Variants in BTNL2 observed in about 807,000 individuals in gnomAD.
The protein encoded by BTNL2 is butyrophilin like 2, also known as butyrophilin-like protein 2.
BTNL2 carries 46 observed loss-of-function variants against 46.8 expected under a neutral mutation model. That is an observed-to-expected ratio of 0.98 (90% confidence interval 0.78 to 1.26). The LOEUF (loss-of-function observed/expected upper bound fraction) is 1.26. Ranked by LOEUF, BTNL2 falls within the 50% of genes most tolerant of loss-of-function variation. BTNL2 has a pLI of 0.00. For missense variants in BTNL2, 461 were observed against 592.6 expected (o/e 0.78, Z 2.31); for synonymous variants, 226 against 229.1 (o/e 0.99, Z 0.12).
At chr6:32,397,437 T>C (rs1310743142) in intron 4 of BTNL2, among the ~76,000 whole-genome samples, 2 of 152,220 alleles carry the variant, frequency 1.3e-5, no homozygotes, top group African/African-American at 2.4e-5. Context: ...TCTGACCAAA[T>C]TGCTGCTTTG....
intron 4 of BTNL2, among the ~76,000 whole-genome samples, chr6:32,401,215 A>G (rs1468323491): frequency 1.2e-5 from 1 of 84,544 alleles, no homozygotes; most frequent in East Asian, 3.8e-4. Context: ...CTCAAAAAAA[A>G]AAAAAAAAAA....
intron 4 of BTNL2, among the ~76,000 whole-genome samples, chr6:32,397,975 A>G (rs118023064): frequency 0.012 from 1,860 of 152,340 alleles, 68 homozygotes; most frequent in East Asian, 0.11. Context: ...TGAAAATTAA[A>G]ATTAACATTT....
At position 32,402,708 on chromosome 6, in the gene BTNL2, AATGC is replaced by A. The variant is rs200103485; in HGVS notation, c.709+223_709+226del. On this transcript the variant is annotated intron_variant, in intron 3 of 7. Transcript: ENST00000454136. ...TGAATACTTGTGAGTAAAAACAATC[AATGC>A]AGAAGAAGGAAAGGTAGAACTCAAA... 5.3e-3 allele frequency among the ~76,000 whole-genome samples: 806 copies of A among 152,364 alleles called. 9 individuals carry two copies. Among genetic ancestry groups the A allele is most frequent in the African/African-American group, 0.018 (761 of 41,584 alleles).
At chr6:32,404,276 C>T (rs1416741548) in intron 2 of BTNL2, among the ~76,000 whole-genome samples, 2 of 152,190 alleles carry the variant, frequency 1.3e-5, no homozygotes, top group African/African-American at 2.4e-5. Flanking sequence ...GTCAGGGAAT[C>T]ATATGATAGT....
chr6:32,403,947 T>C (rs145097304), intron 2 of BTNL2, among the ~76,000 whole-genome samples: 15,863 of 152,176 alleles, frequency 0.1, 955 homozygotes, highest in East Asian at 0.2. Context: ...AAAAGAGAGA[T>C]CCACTCCCTT....
chr6:32,400,745 T>TAAAAATAAAAAAAA (rs9281774), intron 4 of BTNL2, among the ~76,000 whole-genome samples: 1 of 82,144 alleles, frequency 1.2e-5, no homozygotes, highest in Non-Finnish European at 2.6e-5. Flanking sequence ...CCGTCTCTAC[T>TAAAAATAAAAAAAA]AAAAAAAAAA....
chr6:32,400,410 G>A (rs917791052), intron 4 of BTNL2, among the ~76,000 whole-genome samples: 1 of 152,124 alleles, frequency 6.6e-6, no homozygotes, highest in African/African-American at 2.4e-5. Context: ...GATGGAAAGA[G>A]CACATAAGGG....
chr6:32,396,114 C>T lies in BTNL2; in HGVS notation c.1003G>A (p.Asp335Asn), dbSNP rs763452732. The change falls in exon 5 of 8, where the codon GAC becomes AAC. Residue 335 changes from aspartate (D) to asparagine (N), a missense_variant. Asp to Asn is a conservative substitution (Grantham distance 23, BLOSUM62 1). Coordinates refer to ENST00000454136, the MANE Select transcript of BTNL2 (RefSeq NM_001304561.2). The surrounding 1 kb of genome is among the most constrained non-coding windows in gnomAD (Gnocchi z 4.4). Reference protein sequence around the residue: ...TLQILSARPSDDGQYRCLFEK... With the variant: ...TLQILSARPSNDGQYRCLFEK... ...AAAAGGCAGCGGTACTGCCCGTCGT[C>T]CGAAGGTCTGGCACTGAGTATCTGC... 2.4e-5 allele frequency: 38 copies of T among 1,613,006 alleles called. No homozygotes were observed. Among genetic ancestry groups the T allele is most frequent in the Non-Finnish European group, 3.1e-5 (36 of 1,180,042 alleles).
At position 32,407,089 on chromosome 6, in the gene BTNL2, G is replaced by T. The variant is rs1358994264; in HGVS notation, c.35C>A (p.Ala12Glu). The change falls in exon 1 of 8, where the codon GCA (alanine) becomes GAA (glutamate). Residue 12 changes from alanine (A) to glutamate (E), a missense_variant. Transcript: ENST00000454136. ...VDFPGYNLSG[A>E]VASFLFILLT... Reference sequence around the variant, plus strand: ...CAGGATGAATAGGAAGGAGGCGACTGCACCAGACAGATTGTAGCCTGGAAA... The same window carrying T: ...CAGGATGAATAGGAAGGAGGCGACTTCACCAGACAGATTGTAGCCTGGAAA... 6.2e-7 allele frequency: 1 copy of T among 1,612,870 alleles called. No individual in the cohort carries two copies. The highest frequency in any genetic ancestry group is 1.3e-5 in the African/African-American group (1 of 74,928).
At chr6:32,405,807 G>GTTTTTTTTTTTTTTT (rs56858224) in intron 1 of BTNL2, among the ~76,000 whole-genome samples, 1 of 127,812 alleles carries the variant, frequency 7.8e-6, no homozygotes, top group African/African-American at 2.7e-5. Context: ...TATAAAAACT[G>GTTTTTTTTTTTTTTT]TTTTTTTTTT....
In BTNL2 at chr6:32,394,586, TG is replaced by T; in HGVS notation, c.1360+157del. 1.3e-6 allele frequency: 1 copy of T among 781,094 alleles called. No individual in the cohort carries two copies. The highest frequency in any genetic ancestry group is 2.0e-6 in the Non-Finnish European group (1 of 506,154). 48.4% of individuals were successfully genotyped at this position (781,094 alleles called of 1,614,324 possible). On this transcript the variant is annotated intron_variant, in intron 6 of 7. Transcript: ENST00000454136. This position sits in a 1 kb window ranked among gnomAD's most constrained non-coding sequence, Gnocchi z 4.6. ...GAGAAACTCAGAGGAGTAGAATCCC[TG>T]GGTGTCCTGAAAACCAGCTTTGCAG...
chr6:32,396,234 T>C lies in BTNL2; in HGVS notation c.883A>G (p.Met295Val), dbSNP rs41417449. 24,367 of 1,612,956 alleles carry C rather than the reference T, an allele frequency of 0.015. 1,125 individuals are homozygous for C. The East Asian group carries it at 0.16, about 10-fold the overall frequency. The stretch of plus-strand genomic sequence containing the variant: ...TCTCCAGCCACATGGTCCCCATCCA[T>C]ATACACATGCACAGCAGGGTAACGG... ...SHRYPAVHVY[M>V]DGDHVAGEQM... Residue 295 changes from methionine to valine, a missense_variant, in exon 5 of 8, where the codon ATG becomes GTG. Coordinates refer to ENST00000454136, the MANE Select transcript of BTNL2 (RefSeq NM_001304561.2). The surrounding 1 kb of genome is among the most constrained non-coding windows in gnomAD (Gnocchi z 4.4).
At chr6:32,397,171 T>A (rs1230021723) in intron 4 of BTNL2, among the ~76,000 whole-genome samples, 1 of 152,194 alleles carries the variant, frequency 6.6e-6, no homozygotes, top group Non-Finnish European at 1.5e-5. Flanking sequence ...ATTTATAAAT[T>A]GCTCATTTTA....
At position 32,395,187 on chromosome 6, in the gene BTNL2, CTTATT is replaced by C. The variant is rs377429308; in HGVS notation, c.1079-167_1079-163del. On this transcript the variant is annotated intron_variant, in intron 5 of 7. Transcript: ENST00000454136. The stretch of plus-strand genomic sequence containing the variant: ...GGGATGAGGCTGGCTGGAGCATTTT[CTTATT>C]TTGTTTGTTTGCTTATTTTTATTCT... 5.3e-3 allele frequency among the ~76,000 whole-genome samples: 806 copies of C among 152,224 alleles called. 9 individuals carry two copies. Among genetic ancestry groups the C allele is most frequent in the African/African-American group, 0.018 (761 of 41,540 alleles).
At chr6:32,403,268 C>T in intron 2 of BTNL2, 52 bp from the exon 3 acceptor site, 1 of 1,534,438 alleles carries the variant, frequency 6.5e-7, no homozygotes. Flanking sequence ...AGGCAGAAAT[C>T]ACAGAGGCTG....
rs899412781 is a variant in BTNL2 at position 32,396,414 on chromosome 6, T to G, written c.731-28A>C. On this transcript the variant is annotated intron_variant, in intron 4 of 7. Coordinates refer to ENST00000454136, the MANE Select transcript of BTNL2 (RefSeq NM_001304561.2). This position sits in a 1 kb window ranked among gnomAD's most constrained non-coding sequence, Gnocchi z 4.4. ...GTTAAATAGAGTGGACAAAACACAA[T>G]GAAAGAATCAAAATGGAACCAATAA... 6.3e-7 allele frequency: 1 copy of G among 1,579,936 alleles called. No individual in the cohort carries two copies. Among genetic ancestry groups the G allele is most frequent in the African/African-American group, 1.3e-5 (1 of 74,346 alleles).
rs150603661 is a variant in BTNL2, at chr6:32,398,220, A to C, written c.731-1834T>G. Among the ~76,000 whole-genome samples the C allele has an allele frequency of 5.3e-3, 811 of 152,318 alleles. 9 individuals carry two copies. The highest frequency in any genetic ancestry group is 0.018 in the African/African-American group (766 of 41,558). ...TTAAATGATAAGAATGGTTTTGCAT[A>C]AGGTGTGATCATTTATAATAGAAAC... is the stretch of plus-strand genomic sequence containing the variant. On this transcript the variant is annotated intron_variant, in intron 4 of 7. Transcript: ENST00000454136.
chr6:32,400,760 A>AAAAAC (rs1390075841), intron 4 of BTNL2, among the ~76,000 whole-genome samples: 2 of 115,914 alleles, frequency 1.7e-5, no homozygotes, highest in East Asian at 2.4e-4. Flanking sequence ...AAAAAAAAAA[A>AAAAAC]AAATTAGCTG....
chr6:32,405,409 T>C (rs1777073712), intron 1 of BTNL2, 123 bp from the exon 2 acceptor site: 1 of 920,328 alleles, frequency 1.1e-6, no homozygotes, highest in South Asian at 1.4e-5. Context: ...TGTTTAATGT[T>C]TTAGAGAAAT....
Sources: allele counts gnomAD v4.1 joint callset (sites outside exome capture counted in the v4.1 genomes callset), GRCh38; gene constraint gnomAD v4.1.1; non-coding constraint Gnocchi (gnomAD v3.1); transcripts MANE v1.5; gene names NCBI Gene and HGNC (gene_info 2026-07-23, HGNC 2026-07-21).